PHF14: variants seen among roughly 807,000 people sequenced by gnomAD.
PHF14 encodes PHD finger protein 14.
Under a neutral mutation model 117.9 loss-of-function variants are expected in PHF14, and 55 were observed. The ratio of observed to expected loss-of-function variants is 0.47; its 90% confidence interval spans 0.38 to 0.58. The LOEUF (loss-of-function observed/expected upper bound fraction) is 0.58, where lower values mean the gene tolerates loss of function less well. Ranked by LOEUF, PHF14 falls within the 20% of genes least tolerant of loss-of-function variation. PHF14 has a pLI of 0.00. For synonymous variants in PHF14, 409 were observed against 368.6 expected (o/e 1.11, Z -1.26); for missense variants, 978 against 1,122.2 (o/e 0.87, Z 1.84).
chr7:11,063,657 T>G (rs193295482), intron 16 of PHF14: 2 of 970,200 alleles, frequency 2.1e-6, no homozygotes, highest in East Asian at 2.3e-4. Context: ...GAGGTTTTTA[T>G]TAGGTTTTTT....
chr7:10,985,638 GTTTTTTTTTTTTTTTTTTTTT>G (rs61250143), intron 3 of PHF14, among the ~76,000 whole-genome samples: 1 of 45,936 alleles, frequency 2.2e-5, no homozygotes, highest in African/African-American at 7.6e-5. Context: ...TTCTCAAACT[GTTTTTTTTTTTTTTTTTTTTT>G]TTTTTTTTTT....
chr7:10,974,657 C>A (rs1781800596), intron 1 of PHF14, among the ~76,000 whole-genome samples, 178 bp from the exon 2 acceptor site: 1 of 152,174 alleles, frequency 6.6e-6, no homozygotes. Context: ...GCCCGTGGAG[C>A]TGTCCAGCCC....
intron 4 of PHF14, among the ~76,000 whole-genome samples, chr7:11,001,122 A>G (rs1228813652): frequency 6.6e-6 from 1 of 151,876 alleles, no homozygotes; most frequent in Non-Finnish European, 1.5e-5. Flanking sequence ...TGTGTGTTCA[A>G]TTTTTCTATC....
chr7:11,105,036 ATGTT>A (rs1371457274), intron 16 of PHF14: 1 of 896,066 alleles, frequency 1.1e-6, no homozygotes, highest in Admixed American at 6.2e-5. Flanking sequence ...ATTTAGTTAA[ATGTT>A]TGTTTTACAC....
chr7:11,072,988 G>A (rs555694482), intron 16 of PHF14, among the ~76,000 whole-genome samples: 4 of 152,118 alleles, frequency 2.6e-5, no homozygotes, highest in Non-Finnish European at 5.9e-5. Context: ...CTGCCCCTGT[G>A]GTCCAAACAC....
At chr7:10,988,370 A>G (rs979628003) in intron 3 of PHF14, among the ~76,000 whole-genome samples, 1 of 152,114 alleles carries the variant, frequency 6.6e-6, no homozygotes, top group Non-Finnish European at 1.5e-5. Flanking sequence ...TTTTGATACA[A>G]CTTTTTCTGA....
At chr7:11,136,696 T>G (rs767651940) in intron 17 of PHF14, among the ~76,000 whole-genome samples, 3 of 152,138 alleles carry the variant, frequency 2.0e-5, no homozygotes, top group Non-Finnish European at 4.4e-5. Context: ...GTTTTGAATA[T>G]GTAGGGTAAA....
intron 2 of PHF14, among the ~76,000 whole-genome samples, chr7:10,980,386 G>T (rs1189403584): frequency 2.6e-5 from 4 of 152,096 alleles, no homozygotes; most frequent in Admixed American, 6.6e-5. Flanking sequence ...CTGTGTCTTA[G>T]AAGTGTTGAG....
At chr7:11,061,759 TG>T in intron 14 of PHF14, 31 bp from the exon 15 acceptor site, 3 of 1,473,430 alleles carry the variant, frequency 2.0e-6, no homozygotes, top group African/African-American at 2.9e-5. Context: ...TGTGGATTTT[TG>T]TTTTTTGTTT....
chr7:11,025,522 G>C (rs138910779), intron 6 of PHF14, among the ~76,000 whole-genome samples: 1,928 of 152,252 alleles, frequency 0.013, 53 homozygotes, highest in South Asian at 0.12. Context: ...AGCCGGGCAC[G>C]GTGGCTCACA....
rs1193725051 is a variant in PHF14, at chr7:11,051,654, A to G, written c.2355A>G (p.Glu785=). Reference sequence around the variant, plus strand: ...ACCAGGCAGGGAGCAGTGACATGGAAGCAGATATGGCCATGGAAACCCTAC... The same window carrying G: ...ACCAGGCAGGGAGCAGTGACATGGAGGCAGATATGGCCATGGAAACCCTAC... ...ECDQAGSSDM[E]ADMAMETLPD... Residue 785 remains glutamate (E), a synonymous_variant, in exon 14 of 18, where the codon GAA becomes GAG. Transcript: ENST00000634607. 1 of 1,613,440 alleles carries G rather than the reference A, an allele frequency of 6.2e-7. No individual in the cohort carries two copies. Among genetic ancestry groups the G allele is most frequent in the East Asian group, 2.2e-5 (1 of 44,848 alleles).
intron 13 of PHF14, among the ~76,000 whole-genome samples, chr7:11,048,554 A>G (rs1784750920): frequency 6.6e-6 from 1 of 152,238 alleles, no homozygotes; most frequent in South Asian, 2.1e-4. Context: ...CCTTGGCAAT[A>G]GTGCAAGACT....
At chr7:10,990,636 T>G in intron 3 of PHF14, 67 bp from the exon 4 acceptor site, 1 of 964,784 alleles carries the variant, frequency 1.0e-6, no homozygotes, top group Non-Finnish European at 1.5e-6. Flanking sequence ...ATAAAGAATT[T>G]TAGTGATTAA....
intron 4 of PHF14, among the ~76,000 whole-genome samples, chr7:11,013,187 A>G (rs1480634816): frequency 2.0e-5 from 3 of 151,978 alleles, no homozygotes; most frequent in African/African-American, 7.2e-5. Flanking sequence ...ATGAGATGGA[A>G]TTTTGCTCTT....
At chr7:10,975,716 T>A (rs1489177755) in intron 2 of PHF14, among the ~76,000 whole-genome samples, 3 of 152,214 alleles carry the variant, frequency 2.0e-5, no homozygotes, top group African/African-American at 7.2e-5. Context: ...TTATGTGTAA[T>A]TCCACCTCTT....
chr7:11,001,621 T>G (rs1367680378), intron 4 of PHF14, among the ~76,000 whole-genome samples: 3 of 47,314 alleles, frequency 6.3e-5, no homozygotes, highest in African/African-American at 9.8e-5. Context: ...TTTTATTTTT[T>G]GGGGGGTGCT....
At chr7:11,006,883 G>A in intron 4 of PHF14, 1 of 561,698 alleles carries the variant, frequency 1.8e-6, no homozygotes, top group Non-Finnish European at 3.3e-6. Flanking sequence ...GAAAAGCATA[G>A]TCATTTCTTG....
intron 16 of PHF14, among the ~76,000 whole-genome samples, chr7:11,073,388 A>G (rs113009618): frequency 5.3e-5 from 8 of 152,360 alleles, no homozygotes; most frequent in African/African-American, 1.4e-4. Flanking sequence ...CCAGCCAGGC[A>G]TACATTAAAC....
intron 16 of PHF14, chr7:11,104,413 C>T: frequency 2.1e-6 from 2 of 951,446 alleles, no homozygotes; most frequent in Non-Finnish European, 2.5e-6. Flanking sequence ...GCTCTCATAT[C>T]CACAGTATAA....
Sources: gnomAD v4.1 joint callset for allele counts (sites outside exome capture counted in the v4.1 genomes callset) on GRCh38, gnomAD v4.1.1 for gene constraint, MANE v1.5 for transcripts, NCBI Gene and HGNC (gene_info 2026-07-23, HGNC 2026-07-21) for gene names.